ZMIZ1: variants seen among roughly 807,000 people sequenced by gnomAD.
ZMIZ1 encodes zinc finger MIZ-type containing 1.
A neutral mutation model predicts 113.9 loss-of-function variants in ZMIZ1; 17 were observed. The ratio of observed to expected loss-of-function variants is 0.15; its 90% CI spans 0.10 to 0.22. ZMIZ1 has a LOEUF of 0.22. Among genes scored for constraint, ZMIZ1 ranks in the 10% least tolerant of loss-of-function variants. The pLI, the probability that ZMIZ1 is intolerant of heterozygous loss-of-function variation, is 1.00. For synonymous variants in ZMIZ1, 607 were observed against 603.1 expected (o/e 1.01, Z -0.09); for missense variants, 1,059 against 1,477.8 (o/e 0.72, Z 4.65).
chr10:79,298,834 G>A (rs1042977151), intron 15 of ZMIZ1, among the ~76,000 whole-genome samples: 2 of 152,246 alleles, frequency 1.3e-5, no homozygotes, highest in East Asian at 1.9e-4. Context: ...GGAGGCGGGT[G>A]GAAGAAGAGG....
chr10:79,201,481 A>T, intron 4 of ZMIZ1, 103 bp from the exon 5 acceptor site: 1 of 841,060 alleles, frequency 1.2e-6, no homozygotes, highest in Non-Finnish European at 1.9e-6. Context: ...CCAGCAAAGG[A>T]CTCTGGAACC....
chr10:79,227,911 AGGAG>A (rs1261002801), intron 7 of ZMIZ1, among the ~76,000 whole-genome samples: 2 of 152,228 alleles, frequency 1.3e-5, no homozygotes, highest in Non-Finnish European at 2.9e-5. Context: ...GCCACTGTGC[AGGAG>A]GCAGGCAGCC....
chr10:79,299,263 G>T (rs931679904), intron 16 of ZMIZ1, 72 bp downstream of exon 16: 5 of 1,534,346 alleles, frequency 3.3e-6, no homozygotes, highest in East Asian at 4.6e-5. Flanking sequence ...CCTTGGGCCC[G>T]AGTGGGGCCC....
At chr10:79,116,843 A>G (rs1844054939) in intron 1 of ZMIZ1, among the ~76,000 whole-genome samples, 1 of 152,198 alleles carries the variant, frequency 6.6e-6, no homozygotes, top group Admixed American at 6.5e-5. Flanking sequence ...CCCCTCAAGG[A>G]TACCGACTGT....
At chr10:79,085,237 C>CT (rs1476313099) in intron 1 of ZMIZ1, among the ~76,000 whole-genome samples, 1 of 152,200 alleles carries the variant, frequency 6.6e-6, no homozygotes, top group Non-Finnish European at 1.5e-5. Flanking sequence ...AGCCTGGCTG[C>CT]TGGCACCCTC....
intron 8 of ZMIZ1, among the ~76,000 whole-genome samples, chr10:79,283,724 T>A (rs936579050): frequency 3.9e-5 from 6 of 152,050 alleles, no homozygotes; most frequent in Admixed American, 2.6e-4. Flanking sequence ...ATGCAAAGGA[T>A]TTTTTCCTTT....
intron 1 of ZMIZ1, among the ~76,000 whole-genome samples, chr10:79,074,728 C>G (rs953131150): frequency 6.6e-6 from 1 of 152,270 alleles, no homozygotes; most frequent in Non-Finnish European, 1.5e-5. Context: ...CTTGCAGCCT[C>G]CACCCTTGGG....
At chr10:79,194,358 G>A (rs778766549) in intron 4 of ZMIZ1, among the ~76,000 whole-genome samples, 2 of 152,260 alleles carry the variant, frequency 1.3e-5, no homozygotes, top group Non-Finnish European at 2.9e-5. Flanking sequence ...CTCTGGGTGC[G>A]TGTGCATTAT....
At chr10:79,183,030 A>G (rs1847186036) in intron 4 of ZMIZ1, among the ~76,000 whole-genome samples, 1 of 152,202 alleles carries the variant, frequency 6.6e-6, no homozygotes, top group Non-Finnish European at 1.5e-5. Flanking sequence ...TGGGTCACTA[A>G]GGAGCCAGCA....
rs1436197597 is a variant in ZMIZ1, at chr10:79,293,551, C to T, written c.1128C>T (p.Ser376=). 6.2e-7 allele frequency: 1 copy of T among 1,612,768 alleles called. No homozygotes were observed. Among genetic ancestry groups the T allele is most frequent in the Non-Finnish European group, 8.5e-7 (1 of 1,179,794 alleles). ...GMNQPRPPGI[S]PFGTHGQRMP... ...ACCAGCCCCGGCCGCCCGGCATCAG[C>T]CCCTTTGGCACACACGGGCAGCGGA... The change falls in exon 12 of 25, where the codon AGC becomes AGT. Residue 376 remains serine, a synonymous_variant. Transcript: ENST00000334512.
intron 7 of ZMIZ1, among the ~76,000 whole-genome samples, chr10:79,265,152 G>A (rs907809774): frequency 1.3e-5 from 2 of 152,182 alleles, no homozygotes; most frequent in Non-Finnish European, 2.9e-5. Flanking sequence ...GACAACCCGG[G>A]CAGCCCTTGG....
chr10:79,140,991 G>A (rs1001274648), intron 3 of ZMIZ1, among the ~76,000 whole-genome samples: 3 of 152,036 alleles, frequency 2.0e-5, no homozygotes, highest in South Asian at 2.1e-4. Flanking sequence ...TTCGTTGTCC[G>A]GGGGTGGGTT....
intron 7 of ZMIZ1, chr10:79,243,640 G>A (rs1000510231): frequency 3.2e-5 from 9 of 282,700 alleles, no homozygotes; most frequent in South Asian, 2.0e-4. Context: ...GTTCGGCGCT[G>A]GCTGAATCCT....
rs1842171263 is a variant in ZMIZ1, at chr10:79,069,424, G to T, written c.-337+154G>T. 6.6e-6 allele frequency among the ~76,000 whole-genome samples: 1 copy of T among 150,918 alleles called. No individual in the cohort carries two copies. Among genetic ancestry groups the T allele is most frequent in the Non-Finnish European group, 1.5e-5 (1 of 67,666 alleles). ...GCGACCGGCCGGCGGCGCGGGCTCCGCTCCGCTCTCCTTGGCGGCCGGGGG... is the reference window on the plus strand; with the variant it reads ...GCGACCGGCCGGCGGCGCGGGCTCCTCTCCGCTCTCCTTGGCGGCCGGGGG... On this transcript the variant is annotated intron_variant, in intron 1 of 24. Transcript: ENST00000334512. The surrounding 1 kb of genome is among the most constrained non-coding windows in gnomAD (Gnocchi z 4.6).
At chr10:79,243,547 CCCGCCCGGGCCCCCGCGCCGCCGCCG>C (rs1411856765) in intron 7 of ZMIZ1, 1 of 146,414 alleles carries the variant, frequency 6.8e-6, no homozygotes, top group African/African-American at 2.5e-5. Context: ...GGGCGCCGGA[CCCGCCCGGGCCCCCGCGCCGCCGCCG>C]CCGCCGGGGC....
intron 23 of ZMIZ1, among the ~76,000 whole-genome samples, chr10:79,309,673 A>G (rs1259761431): frequency 6.6e-6 from 1 of 152,216 alleles, no homozygotes; most frequent in Non-Finnish European, 1.5e-5. Flanking sequence ...TAGGAGAAAC[A>G]GGAAGAGGAA....
intron 1 of ZMIZ1, among the ~76,000 whole-genome samples, chr10:79,083,103 C>T (rs1250118865): frequency 6.6e-6 from 1 of 152,362 alleles, no homozygotes; most frequent in East Asian, 1.9e-4. Flanking sequence ...AGACAGTCAG[C>T]AGGTCAACAA....
intron 9 of ZMIZ1, among the ~76,000 whole-genome samples, chr10:79,290,427 C>T (rs1015867121): frequency 6.6e-6 from 1 of 152,232 alleles, no homozygotes; most frequent in Non-Finnish European, 1.5e-5. Flanking sequence ...ACATGGAAGG[C>T]TCAGGGCTGC....
intron 1 of ZMIZ1, among the ~76,000 whole-genome samples, chr10:79,105,541 C>T (rs368486024): frequency 6.6e-6 from 1 of 152,204 alleles, no homozygotes; most frequent in East Asian, 1.9e-4. Flanking sequence ...CCCCTCCGCC[C>T]CTAGTCCCCT....
Sources: gnomAD v4.1 joint callset for allele counts (sites outside exome capture counted in the v4.1 genomes callset) on GRCh38, gnomAD v4.1.1 for gene constraint, Gnocchi (gnomAD v3.1) non-coding constraint, MANE v1.5 for transcripts, NCBI Gene and HGNC (gene_info 2026-07-23, HGNC 2026-07-21) for gene names.